CACNA1D: variants seen among roughly 807,000 people sequenced by gnomAD.
CACNA1D encodes the protein calcium voltage-gated channel subunit alpha1 D.
In CACNA1D, 55 loss-of-function variants were observed where a neutral mutation model predicts 257.1. That is an observed-to-expected ratio of 0.21 (90% CI 0.17 to 0.27). The LOEUF (loss-of-function observed/expected upper bound fraction) is 0.27, where lower values mean the gene tolerates loss of function less well. Among genes scored for constraint, CACNA1D ranks in the 10% least tolerant of loss-of-function variants. CACNA1D has a pLI of 1.00. For synonymous variants in CACNA1D, 980 were observed against 1,014.9 expected, an observed-to-expected ratio of 0.97 and a Z score of 0.65; for missense variants, 1,876 against 2,784.0, an observed-to-expected ratio of 0.67 and a Z score of 7.34.
At chr3:53,573,635 G>C (rs1300479390) in intron 3 of CACNA1D, among the ~76,000 whole-genome samples, 1 of 152,054 alleles carries the variant, frequency 6.6e-6, no homozygotes, top group Non-Finnish European at 1.5e-5. Context: ...TTTATTGTCT[G>C]TCTCCCCAGC....
intron 3 of CACNA1D, among the ~76,000 whole-genome samples, chr3:53,626,872 C>T (rs545962535): frequency 3.7e-4 from 57 of 152,270 alleles, no homozygotes; most frequent in African/African-American, 1.3e-3. Flanking sequence ...TTTCAGTTAA[C>T]GAAACGTCAG....
chr3:53,721,775 G>C (rs762877514), intron 11 of CACNA1D, among the ~76,000 whole-genome samples: 6 of 151,904 alleles, frequency 3.9e-5, no homozygotes, highest in Non-Finnish European at 8.8e-5. Context: ...AGGAACCTCA[G>C]AGATTTAAGA....
chr3:53,776,905 C>A lies in CACNA1D; in HGVS notation c.4536C>A (p.Ile1512=). The A allele has an allele frequency of 6.2e-7, 1 of 1,614,148 alleles. No individual in the cohort carries two copies. The highest frequency in any genetic ancestry group is 1.1e-5 in the South Asian group (1 of 91,084). The change falls in exon 37 of 48, where the codon ATC becomes ATA. Residue 1512 remains isoleucine (I), a synonymous_variant. Transcript: ENST00000350061. ...HLDVVTLLRR[I]QPPLGFGKLC... is the part of the protein sequence containing the mutation. ...ATGTGGTCACTCTGCTTCGACGCAT[C>A]CAGCCTCCCCTGGGGTTTGGGAAGT...
At chr3:53,659,147 G>A (rs1429613434) in intron 4 of CACNA1D, among the ~76,000 whole-genome samples, 1 of 152,146 alleles carries the variant, frequency 6.6e-6, no homozygotes, top group Non-Finnish European at 1.5e-5. Flanking sequence ...TGAAAAACGA[G>A]CAATAATTCC....
At chr3:53,544,865 TC>T (rs1382021229) in intron 3 of CACNA1D, among the ~76,000 whole-genome samples, 1 of 152,192 alleles carries the variant, frequency 6.6e-6, no homozygotes, top group East Asian at 1.9e-4. Context: ...CATCCCTCAT[TC>T]GAGGAAGTGG....
chr3:53,574,206 C>T (rs2092996932), intron 3 of CACNA1D, among the ~76,000 whole-genome samples: 1 of 152,136 alleles, frequency 6.6e-6, no homozygotes, highest in South Asian at 2.1e-4. Context: ...TTCCTTCTGC[C>T]GTGCACACAC....
chr3:53,557,090 C>T (rs1575858010), intron 3 of CACNA1D, among the ~76,000 whole-genome samples: 1 of 152,226 alleles, frequency 6.6e-6, no homozygotes, highest in East Asian at 1.9e-4. Context: ...CTTGGTTTTT[C>T]CTTTTATGAG....
At chr3:53,708,346 G>A (rs961412749) in intron 9 of CACNA1D, among the ~76,000 whole-genome samples, 1 of 152,222 alleles carries the variant, frequency 6.6e-6, no homozygotes, top group African/African-American at 2.4e-5. Context: ...AGTGGCATAC[G>A]GTAAATATGC....
intron 2 of CACNA1D, among the ~76,000 whole-genome samples, chr3:53,501,072 T>C (rs1050316494): frequency 1.3e-5 from 2 of 152,152 alleles, no homozygotes; most frequent in African/African-American, 4.8e-5. Flanking sequence ...GAATATGCCA[T>C]GAGAAAGTTA....
intron 14 of CACNA1D, among the ~76,000 whole-genome samples, chr3:53,724,360 G>C (rs563361980): frequency 2.0e-5 from 3 of 152,328 alleles, no homozygotes; most frequent in African/African-American, 7.2e-5. Context: ...TGGCAGGCCA[G>C]TTCATAATCC....
At chr3:53,734,473 T>C (rs115860368) in intron 19 of CACNA1D, among the ~76,000 whole-genome samples, 5 of 152,170 alleles carry the variant, frequency 3.3e-5, no homozygotes, top group Non-Finnish European at 5.9e-5. Flanking sequence ...TATACATATA[T>C]GTACATATAC....
intron 40 of CACNA1D, among the ~76,000 whole-genome samples, chr3:53,799,455 G>A (rs2095524689): frequency 6.6e-6 from 1 of 152,236 alleles, no homozygotes; most frequent in African/African-American, 2.4e-5. Context: ...GGCGCCAGGG[G>A]AGATGCAGAG....
At chr3:53,665,326 A>AC (rs1474671817) in intron 5 of CACNA1D, among the ~76,000 whole-genome samples, 1 of 152,226 alleles carries the variant, frequency 6.6e-6, no homozygotes, top group Admixed American at 6.5e-5. Context: ...CCAAAGCACC[A>AC]AACCTTATGA....
Position 53,735,632 on chromosome 3 carries a change from C to T in CACNA1D, c.2751+129C>T, listed in dbSNP as rs185282552. ...AGTAGGTCTTTCCTTCAGCTGGGGACGTTGGCTGTTTCCGGTTTGTAAGTG... is the reference window on the plus strand; with the variant it reads ...AGTAGGTCTTTCCTTCAGCTGGGGATGTTGGCTGTTTCCGGTTTGTAAGTG... On this transcript the variant is annotated intron_variant, in intron 20 of 47. Coordinates refer to ENST00000350061, the MANE Select transcript of CACNA1D (RefSeq NM_001128840.3). 3.8e-5 allele frequency: 39 copies of T among 1,018,888 alleles called. No individual in the cohort carries two copies. The African/African-American group carries it at 4.4e-4, about 12-fold the overall frequency. The allele number at this position is 1,018,888 out of a possible 1,614,324, so 63.1% of individuals were successfully genotyped here. A position where few individuals can be genotyped will look rare whatever the true frequency, so the allele number is the denominator to read the frequency against.
chr3:53,654,205 A>G (rs2094126523), intron 4 of CACNA1D, among the ~76,000 whole-genome samples: 1 of 152,238 alleles, frequency 6.6e-6, no homozygotes, highest in Non-Finnish European at 1.5e-5. Flanking sequence ...GTGGATCTAC[A>G]CAGAAAGAAA....
chr3:53,547,958 G>C (rs1263469597), intron 3 of CACNA1D, among the ~76,000 whole-genome samples: 1 of 152,170 alleles, frequency 6.6e-6, no homozygotes, highest in Non-Finnish European at 1.5e-5. Context: ...TCCAGCGTGA[G>C]CAATGGGGAC....
At chr3:53,622,016 G>A (rs1461814508) in intron 3 of CACNA1D, among the ~76,000 whole-genome samples, 1 of 151,924 alleles carries the variant, frequency 6.6e-6, no homozygotes, top group African/African-American at 2.4e-5. Context: ...CGGAGGGGCT[G>A]TACAATGGTC....
At chr3:53,640,830 G>GAGTGCCGTCTGATGACC (rs1425737314) in intron 3 of CACNA1D, among the ~76,000 whole-genome samples, 4 of 152,214 alleles carry the variant, frequency 2.6e-5, no homozygotes, top group African/African-American at 9.7e-5. Flanking sequence ...CCAGGAGAAA[G>GAGTGCCGTCTGATGACC]AGTGCCGTCT....
intron 15 of CACNA1D, 27 bp from the exon 16 acceptor site, chr3:53,730,415 G>GTTGTGCCC: frequency 1.4e-6 from 2 of 1,461,386 alleles, no homozygotes. Context: ...TTAGTAGTGT[G>GTTGTGCCC]TTGTGCCCTT....
Sources: gnomAD v4.1 joint callset for allele counts (sites outside exome capture counted in the v4.1 genomes callset) on GRCh38, gnomAD v4.1.1 for gene constraint, MANE v1.5 for transcripts, NCBI Gene and HGNC (gene_info 2026-07-23, HGNC 2026-07-21) for gene names.